Variants in NTN4 observed in about 807,000 individuals in gnomAD.
NTN4 encodes the protein netrin 4, also known as netrin-4.
NTN4 carries 32 observed loss-of-function variants against 73.6 expected under a neutral mutation model. The ratio of observed to expected loss-of-function variants is 0.44; its 90% CI spans 0.33 to 0.58. The LOEUF (loss-of-function observed/expected upper bound fraction) is 0.58, where lower values mean the gene tolerates loss of function less well. Among genes scored for constraint, NTN4 ranks in the 20% least tolerant of loss-of-function variants. NTN4 has a pLI of 0.04. For synonymous variants in NTN4, 258 were observed against 287.5 expected, an observed-to-expected ratio of 0.90 and a Z score of 1.04; for missense variants, 654 against 798.3, an observed-to-expected ratio of 0.82 and a Z score of 2.18.
chr12:95,661,115 AT>A (rs1212067856), intron 9 of NTN4, among the ~76,000 whole-genome samples: 1 of 152,164 alleles, frequency 6.6e-6, no homozygotes, highest in Non-Finnish European at 1.5e-5. Context: ...ATAGAAATCC[AT>A]AATTCCAAAA....
intron 3 of NTN4, among the ~76,000 whole-genome samples, chr12:95,732,528 G>T (rs747205236): frequency 6.0e-5 from 9 of 150,594 alleles, no homozygotes; most frequent in Non-Finnish European, 1.3e-4. Flanking sequence ...CCCAATCTCC[G>T]GAGTATCTGG....
intron 3 of NTN4, among the ~76,000 whole-genome samples, chr12:95,719,521 A>G (rs183438008): frequency 1.3e-5 from 2 of 152,296 alleles, no homozygotes; most frequent in Admixed American, 1.3e-4. Flanking sequence ...CCCCTTTTAG[A>G]GAAAAGGATT....
chr12:95,735,270 G>C (rs1365878144), intron 3 of NTN4, among the ~76,000 whole-genome samples: 1 of 152,078 alleles, frequency 6.6e-6, no homozygotes, highest in Non-Finnish European at 1.5e-5. Flanking sequence ...AGAGAATAGG[G>C]ATAGCAAGAA....
At chr12:95,660,077 C>T (rs1031860295) in intron 9 of NTN4, among the ~76,000 whole-genome samples, 4 of 151,806 alleles carry the variant, frequency 2.6e-5, no homozygotes, top group South Asian at 2.1e-4. Context: ...ACAGGGGTGC[C>T]GTCTTGGCTC....
intron 2 of NTN4, among the ~76,000 whole-genome samples, chr12:95,749,742 T>TG (rs1170929682): frequency 3.3e-5 from 5 of 152,062 alleles, no homozygotes; most frequent in African/African-American, 9.7e-5. Context: ...CCTGCTTTTC[T>TG]GGGGAAGGGG....
chr12:95,765,233 T>A (rs1039279411), intron 2 of NTN4, among the ~76,000 whole-genome samples: 3 of 152,220 alleles, frequency 2.0e-5, no homozygotes, highest in African/African-American at 7.2e-5. Flanking sequence ...AAAGTCTCAA[T>A]AAATATGTCA....
Position 95,705,318 on chromosome 12 carries a change from A to T in NTN4, c.1180+5123T>A, listed in dbSNP as rs528653969. 3.9e-5 allele frequency among the ~76,000 whole-genome samples: 6 copies of T among 152,294 alleles called. No individual in the cohort carries two copies. The South Asian group carries it at 1.2e-3, about 32-fold the overall frequency. ...TAAATATCAACCAGGCAATTATAGT[A>T]GATGACGCACATGGACTGATTATCA... On this transcript the variant is annotated intron_variant, in intron 5 of 9. Transcript: ENST00000343702.
intron 2 of NTN4, among the ~76,000 whole-genome samples, chr12:95,738,583 G>T (rs1223600192): frequency 2.0e-5 from 3 of 152,174 alleles, no homozygotes; most frequent in African/African-American, 7.2e-5. Context: ...GACATGAATG[G>T]AGCCCTGTGG....
intron 2 of NTN4, among the ~76,000 whole-genome samples, chr12:95,741,459 A>C (rs2078825317): frequency 8.1e-6 from 1 of 122,832 alleles, no homozygotes; most frequent in African/African-American, 3.4e-5. Flanking sequence ...ATATATATAT[A>C]TATATATATA....
intron 5 of NTN4, among the ~76,000 whole-genome samples, chr12:95,702,814 T>C (rs1376268108): frequency 6.6e-6 from 1 of 151,298 alleles, no homozygotes; most frequent in Non-Finnish European, 1.5e-5. Flanking sequence ...AGTAAATTTA[T>C]CTCAACTGTT....
intron 5 of NTN4, among the ~76,000 whole-genome samples, chr12:95,704,903 C>T (rs2121066641): frequency 6.6e-6 from 1 of 152,294 alleles, no homozygotes; most frequent in East Asian, 1.9e-4. Context: ...TCCCTATGAA[C>T]CCATCTACCT....
chr12:95,764,827 G>T (rs1194703970), intron 2 of NTN4, among the ~76,000 whole-genome samples: 1 of 152,140 alleles, frequency 6.6e-6, no homozygotes, highest in African/African-American at 2.4e-5. Context: ...TTCAAATTGA[G>T]AATCTTTTAC....
At chr12:95,742,505 A>G (rs2078834021) in intron 2 of NTN4, among the ~76,000 whole-genome samples, 1 of 152,230 alleles carries the variant, frequency 6.6e-6, no homozygotes, top group Non-Finnish European at 1.5e-5. Context: ...AATCAAACTC[A>G]TATCTTAACA....
chr12:95,680,686 C>T (rs900656171), intron 7 of NTN4, among the ~76,000 whole-genome samples: 8 of 152,198 alleles, frequency 5.3e-5, no homozygotes, highest in African/African-American at 1.9e-4. Context: ...CAAAAAACTA[C>T]ATAATCAGGT....
intron 5 of NTN4, among the ~76,000 whole-genome samples, chr12:95,709,503 TCTTTC>T (rs1207920776): frequency 6.6e-6 from 1 of 152,118 alleles, no homozygotes; most frequent in Non-Finnish European, 1.5e-5. Flanking sequence ...CTTTTTCTTT[TCTTTC>T]CTTTCCTTCC....
At chr12:95,672,794 T>C in intron 7 of NTN4, 1 of 1,324,062 alleles carries the variant, frequency 7.6e-7, no homozygotes, top group Non-Finnish European at 1.1e-6. Context: ...GCCAGCGCTC[T>C]GCCCTTTTGG....
At chr12:95,699,631 A>G (rs921328348) in intron 5 of NTN4, among the ~76,000 whole-genome samples, 1 of 148,872 alleles carries the variant, frequency 6.7e-6, no homozygotes, top group Admixed American at 6.7e-5. Context: ...GAAAGAAGGA[A>G]AAAAAAAAAA....
intron 2 of NTN4, among the ~76,000 whole-genome samples, chr12:95,778,346 A>AC (rs1047461636): frequency 1.3e-5 from 2 of 151,448 alleles, no homozygotes; most frequent in Non-Finnish European, 1.5e-5. Flanking sequence ...ACACAAAAAA[A>AC]CCTTCAAAAA....
chr12:95,725,021 T>TTTTTTTTTTTA (rs1426110656), intron 3 of NTN4, among the ~76,000 whole-genome samples: 1 of 151,632 alleles, frequency 6.6e-6, no homozygotes. Flanking sequence ...TTTTTTTTTT[T>TTTTTTTTTTTA]TGCTTCCCAC....
Sources: allele counts gnomAD v4.1 joint callset (sites outside exome capture counted in the v4.1 genomes callset), GRCh38; gene constraint gnomAD v4.1.1; transcripts MANE v1.5; gene names NCBI Gene and HGNC (gene_info 2026-07-23, HGNC 2026-07-21).